Variants in C3orf70 observed in about 807,000 individuals in gnomAD.
C3orf70 encodes the protein UPF0524 protein C3orf70.
In C3orf70, 15 loss-of-function variants were observed where a neutral mutation model predicts 20.7. That is an observed-to-expected ratio of 0.72 (90% CI 0.48 to 1.11). The LOEUF (loss-of-function observed/expected upper bound fraction) is 1.11. C3orf70 is among the 50% of genes most tolerant of loss of function. The probability of loss-of-function intolerance (pLI) is 0.00; values close to 1 mark genes in which losing one functional copy is unlikely to be tolerated. For missense variants in C3orf70, 332 were observed against 317.6 expected (o/e 1.05, Z -0.34); for synonymous variants, 161 against 125.7 (o/e 1.28, Z -1.88).
chr3:185,083,364 G>A lies in C3orf70; in HGVS notation c.396C>T (p.Asp132=), dbSNP rs1353057125. The change falls in exon 2 of 2, where the codon GAC becomes GAT. Residue 132 remains aspartate, a synonymous_variant. Coordinates refer to ENST00000335012, the MANE Select transcript of C3orf70 (RefSeq NM_001025266.3). ...RYCMISDLFI[D]NYQVKCINGK... Reference sequence around the variant, plus strand: ...CATTAATACATTTAACCTGATAGTTGTCAATAAAAAGGTCTGAAATCATAC... The same window carrying A: ...CATTAATACATTTAACCTGATAGTTATCAATAAAAAGGTCTGAAATCATAC... 1.2e-6 allele frequency: 2 copies of A among 1,614,030 alleles called. No homozygotes were observed. Among genetic ancestry groups the A allele is most frequent in the Admixed American group, 1.7e-5 (1 of 60,008 alleles).
At chr3:185,112,843 T>G (rs1193298549) in intron 1 of C3orf70, among the ~76,000 whole-genome samples, 1 of 152,194 alleles carries the variant, frequency 6.6e-6, no homozygotes, top group Non-Finnish European at 1.5e-5. Flanking sequence ...TCCCTGGACT[T>G]TGCATGTCTA....
chr3:185,140,654 T>C (rs140331450), intron 1 of C3orf70, among the ~76,000 whole-genome samples: 98 of 151,646 alleles, frequency 6.5e-4, no homozygotes, highest in African/African-American at 2.3e-3. Flanking sequence ...AGGGCCCTTA[T>C]AAAAAAGACG....
intron 1 of C3orf70, among the ~76,000 whole-genome samples, chr3:185,089,753 C>T (rs1715526937): frequency 6.6e-6 from 1 of 152,124 alleles, no homozygotes; most frequent in African/African-American, 2.4e-5. Flanking sequence ...ACATGACTAA[C>T]ACAAAAACCA....
chr3:185,120,680 C>T (rs1243189861), intron 1 of C3orf70, among the ~76,000 whole-genome samples: 2 of 150,842 alleles, frequency 1.3e-5, no homozygotes, highest in Middle Eastern at 3.4e-3. Context: ...TGCAATACCA[C>T]CTCACTCCGG....
chr3:185,118,213 T>G (rs75784041), intron 1 of C3orf70, among the ~76,000 whole-genome samples: 268 of 152,340 alleles, frequency 1.8e-3, no homozygotes, highest in African/African-American at 6.0e-3. Context: ...CTTTCATATC[T>G]GCAAGTCTTA....
chr3:185,136,457 C>G (rs1716623300), intron 1 of C3orf70, among the ~76,000 whole-genome samples: 1 of 152,116 alleles, frequency 6.6e-6, no homozygotes, highest in Admixed American at 6.5e-5. Context: ...GGCGCGGTGG[C>G]TCACGCCTCA....
Position 185,132,763 on chromosome 3 carries a change from T to C in C3orf70, c.196+19865A>G, listed in dbSNP as rs562073474. On this transcript the variant is annotated intron_variant, in intron 1 of 1. Transcript: ENST00000335012. ...TTGATGAAGGACATCAATGCACAGA[T>C]TGAAGAAGCTAAATTAATTCTAAAC... Among the ~76,000 whole-genome samples, 19 of 152,260 alleles carry C rather than the reference T, an allele frequency of 1.2e-4. 1 individual carries two copies. The highest frequency in any genetic ancestry group is 3.4e-4 in the African/African-American group (14 of 41,556).
At chr3:185,124,822 A>T (rs923383836) in intron 1 of C3orf70, among the ~76,000 whole-genome samples, 1 of 152,210 alleles carries the variant, frequency 6.6e-6, no homozygotes, top group African/African-American at 2.4e-5. Context: ...AAAAAAAATT[A>T]AAAAGTTTTT....
chr3:185,135,064 GTC>G (rs1716595417), intron 1 of C3orf70, among the ~76,000 whole-genome samples: 1 of 152,122 alleles, frequency 6.6e-6, no homozygotes, highest in Non-Finnish European at 1.5e-5. Flanking sequence ...AAGATTCAGA[GTC>G]TCTTCATATA....
Position 185,083,190 on chromosome 3 carries a change from A to G in C3orf70, c.570T>C (p.Ser190=). Reference sequence around the variant, plus strand: ...AGTGAGCCCCAATCGCATTGATCCCAGAGTCCTCAGAACTTGAGGGAGAAG... The same window carrying G: ...AGTGAGCCCCAATCGCATTGATCCCGGAGTCCTCAGAACTTGAGGGAGAAG... ...HCSSPSSSED[S]GINAIGAHYV... Residue 190 remains serine, a synonymous_variant, in exon 2 of 2, where the codon TCT becomes TCC. Coordinates refer to ENST00000335012, the MANE Select transcript of C3orf70 (RefSeq NM_001025266.3). 1 of 1,614,174 alleles carries G rather than the reference A, an allele frequency of 6.2e-7. No individual in the cohort carries two copies. Among genetic ancestry groups the G allele is most frequent in the Non-Finnish European group, 8.5e-7 (1 of 1,180,028 alleles).
At chr3:185,105,439 C>T (rs1189396404) in intron 1 of C3orf70, among the ~76,000 whole-genome samples, 1 of 152,264 alleles carries the variant, frequency 6.6e-6, no homozygotes, top group Admixed American at 6.5e-5. Flanking sequence ...GGACATGCTC[C>T]TGCTGCAGTT....
intron 1 of C3orf70, among the ~76,000 whole-genome samples, chr3:185,085,662 TA>T (rs1715444145): frequency 6.6e-6 from 1 of 152,080 alleles, no homozygotes. Context: ...TCCAGCTCTT[TA>T]AAAGGTAATT....
In C3orf70 at chr3:185,149,408, A is replaced by C. The variant is rs7611278; in HGVS notation, c.196+3220T>G. On this transcript the variant is annotated intron_variant, in intron 1 of 1. Transcript: ENST00000335012. ...ACTCTGTCTCCCAAAAAAAAAAAAA[A>C]AAAACAGTAAATACAGTATGATTGT... Among the ~76,000 whole-genome samples the C allele has an allele frequency of 3.7e-3, 556 of 151,966 alleles. 2 individuals carry two copies. Among genetic ancestry groups the C allele is most frequent in the African/African-American group, 0.013 (526 of 41,448 alleles).
At chr3:185,134,116 C>CTCATATATATATATATATATAT (rs71298571) in intron 1 of C3orf70, among the ~76,000 whole-genome samples, 11 of 134,624 alleles carry the variant, frequency 8.2e-5, no homozygotes, top group South Asian at 2.5e-4. Flanking sequence ...AAAAATACAT[C>CTCATATATATATATATATATAT]ATATATATAT....
At chr3:185,134,727 G>C (rs1168742809) in intron 1 of C3orf70, among the ~76,000 whole-genome samples, 1 of 152,192 alleles carries the variant, frequency 6.6e-6, no homozygotes, top group Non-Finnish European at 1.5e-5. Flanking sequence ...AAGGCTGACA[G>C]CTGGGGCCAA....
intron 1 of C3orf70, among the ~76,000 whole-genome samples, chr3:185,142,340 C>T (rs1293498630): frequency 6.6e-6 from 1 of 152,010 alleles, no homozygotes; most frequent in Non-Finnish European, 1.5e-5. Flanking sequence ...CTTCTGTGGC[C>T]CCAGCCACTT....
At chr3:185,149,123 T>C (rs1478345578) in intron 1 of C3orf70, among the ~76,000 whole-genome samples, 1 of 152,240 alleles carries the variant, frequency 6.6e-6, no homozygotes, top group African/African-American at 2.4e-5. Flanking sequence ...CTGGGCATGG[T>C]GGCTCATGCC....
intron 1 of C3orf70, among the ~76,000 whole-genome samples, chr3:185,123,892 G>T (rs1716360525): frequency 6.6e-6 from 1 of 152,000 alleles, no homozygotes; most frequent in Admixed American, 6.5e-5. Context: ...TCAGGATTTT[G>T]ATCTTTCAGA....
chr3:185,088,925 T>C lies in C3orf70; in HGVS notation c.197-5362A>G, dbSNP rs73885677. ...GGAATTCTATGTGTGAAATTGAAGATACTGGGATGAAATCACATCTTGTCA... is the reference window on the plus strand; with the variant it reads ...GGAATTCTATGTGTGAAATTGAAGACACTGGGATGAAATCACATCTTGTCA... On this transcript the variant is annotated intron_variant, in intron 1 of 1. Coordinates refer to ENST00000335012, the MANE Select transcript of C3orf70 (RefSeq NM_001025266.3). Among the ~76,000 whole-genome samples, 1,043 of 152,336 alleles carry C rather than the reference T, an allele frequency of 6.8e-3. 12 individuals carry two copies. Among genetic ancestry groups the C allele is most frequent in the African/African-American group, 0.024 (978 of 41,560 alleles).
Sources: gnomAD v4.1 joint callset for allele counts (sites outside exome capture counted in the v4.1 genomes callset) on GRCh38, gnomAD v4.1.1 for gene constraint, MANE v1.5 for transcripts, NCBI Gene and HGNC (gene_info 2026-07-23, HGNC 2026-07-21) for gene names.